Variants in MIDN observed in about 807,000 individuals in gnomAD.
The protein encoded by MIDN is midnolin.
A neutral mutation model predicts 46.1 loss-of-function variants in MIDN; 26 were observed. The ratio of observed to expected loss-of-function variants is 0.56; its 90% CI spans 0.41 to 0.78. The LOEUF (loss-of-function observed/expected upper bound fraction) is 0.78, where lower values mean the gene tolerates loss of function less well. MIDN is among the 30% of genes least tolerant of loss of function. The pLI, the probability that MIDN is intolerant of heterozygous loss-of-function variation, is 0.00. For missense variants in MIDN, 850 were observed against 771.8 expected (o/e 1.10, Z -1.20); for synonymous variants, 432 against 343.3 (o/e 1.26, Z -2.86).
chr19:1,253,813 G>A (rs1273697801), intron 4 of MIDN, 141 bp from the exon 5 acceptor site: 19 of 580,720 alleles, frequency 3.3e-5, no homozygotes, highest in East Asian at 2.8e-4. Flanking sequence ...TGAGGGTGGG[G>A]GAAAGGCAAA....
intron 2 of MIDN, among the ~76,000 whole-genome samples, chr19:1,251,072 G>A (rs994506453): frequency 7.2e-5 from 11 of 152,148 alleles, no homozygotes; most frequent in Admixed American, 2.0e-4. Flanking sequence ...GGGCGGAGGG[G>A]GAGGGTCTCC....
At chr19:1,251,790 C>A in intron 3 of MIDN, 49 bp from the exon 4 acceptor site, 1 of 1,590,056 alleles carries the variant, frequency 6.3e-7, no homozygotes, top group Non-Finnish European at 8.6e-7. Flanking sequence ...CTATTCCAGC[C>A]CAGGATTCCG....
intron 1 of MIDN, 37 bp from the exon 2 acceptor site, chr19:1,249,851 TAC>T (rs1186809761): frequency 6.6e-6 from 1 of 151,456 alleles, no homozygotes; most frequent in African/African-American, 2.4e-5. Flanking sequence ...GGAACGTTGA[TAC>T]ATTATAACTT....
intron 2 of MIDN, 126 bp from the exon 3 acceptor site, chr19:1,251,436 G>C: frequency 2.5e-6 from 2 of 798,978 alleles, no homozygotes; most frequent in African/African-American, 1.8e-5. Context: ...TCTGGAAGCC[G>C]GGAAGGGGTG....
intron 6 of MIDN, 25 bp from the exon 7 acceptor site, chr19:1,254,877 C>T (rs2081178628): frequency 1.3e-6 from 2 of 1,584,624 alleles, no homozygotes; most frequent in Non-Finnish European, 1.7e-6. Context: ...GGACCCCGTG[C>T]TCATGTGCCC....
chr19:1,254,708 C>G (rs1239794035), intron 6 of MIDN, among the ~76,000 whole-genome samples, 194 bp from the exon 7 acceptor site: 1 of 152,108 alleles, frequency 6.6e-6, no homozygotes, highest in African/African-American at 2.4e-5. Context: ...TAGATGATCT[C>G]TTGATCTTTG....
chr19:1,248,645 G>A lies in MIDN; in HGVS notation c.-423G>A, dbSNP rs980730923. 1 of 152,494 alleles carries A rather than the reference G, an allele frequency of 6.6e-6. No homozygotes were observed. Among genetic ancestry groups the A allele is most frequent in the Non-Finnish European group, 1.5e-5 (1 of 68,278 alleles). 9.4% of individuals were successfully genotyped at this position (152,494 alleles called of 1,614,324 possible). A position where few individuals can be genotyped will look rare whatever the true frequency, so the allele number is the denominator to read the frequency against. ...AGGTACTCGCAGCACTTGGAGCGCA[G>A]AACCGGCCGCGCCCGGTGAGTGTGG... On this transcript the variant is annotated 5_prime_UTR_variant, in exon 1 of 9. Transcript: ENST00000682408.
Position 1,250,525 on chromosome 19 carries a change from G to T in MIDN, c.229G>T (p.Asp77Tyr). The T allele has an allele frequency of 7.8e-7, 1 of 1,288,208 alleles. No individual in the cohort carries two copies. The highest frequency in any genetic ancestry group is 3.5e-5 in the East Asian group (1 of 28,406). The allele number at this position is 1,288,208 out of a possible 1,614,324, so 79.8% of individuals were successfully genotyped here. A position where few individuals can be genotyped will look rare whatever the true frequency, so the allele number is the denominator to read the frequency against. Residue 77 changes from aspartate to tyrosine, a missense_variant, in exon 2 of 9, where the codon GAC becomes TAC. By Grantham distance (160) the Asp-to-Tyr change is radical (BLOSUM62 -3). Transcript: ENST00000682408. ...GGAGCGCCTGGCTCTTCTCCACAAAGACACGTAGGTACCGCGCGCCCCCGG... is the reference window on the plus strand; with the variant it reads ...GGAGCGCCTGGCTCTTCTCCACAAATACACGTAGGTACCGCGCGCCCCCGG... ...PKERLALLHK[D>Y]TRLSSGKLQE...
intron 6 of MIDN, 133 bp from the exon 7 acceptor site, chr19:1,254,769 G>A: frequency 1.8e-6 from 2 of 1,103,596 alleles, no homozygotes; most frequent in South Asian, 3.0e-5. Context: ...CGTGACCTTG[G>A]GCTAGTTTAT....
In MIDN at chr19:1,259,021, G is replaced by A. The variant is rs1344362298; in HGVS notation, c.*1749G>A. The A allele has an allele frequency of 6.6e-6, 1 of 151,910 alleles. No individual in the cohort carries two copies. The highest frequency in any genetic ancestry group is 2.4e-5 in the African/African-American group (1 of 41,362). 9.4% of individuals were successfully genotyped at this position (151,910 alleles called of 1,614,324 possible). ...AAGAAAGCATTACCCGCCCTCGGGG[G>A]GTCGGGCTGTGGGGGTCCCGGCACC... On this transcript the variant is annotated 3_prime_UTR_variant, in exon 9 of 9. Transcript: ENST00000682408.
At chr19:1,252,559 T>C (rs1023967667) in intron 4 of MIDN, among the ~76,000 whole-genome samples, 7 of 151,856 alleles carry the variant, frequency 4.6e-5, no homozygotes, top group Non-Finnish European at 8.8e-5. Context: ...TTTTTTTTTT[T>C]CTCCTTCTTT....
chr19:1,254,188 C>G lies in MIDN; in HGVS notation c.535C>G (p.Arg179Gly), dbSNP rs540283060. Residue 179 changes from arginine to glycine, a missense_variant, in exon 6 of 9, where the codon CGT (arginine) becomes GGT (glycine). Transcript: ENST00000682408. ...RPQVSDFLSG[R>G]SPLTLALRVG... ...GCAGGTCAGTGACTTCCTGTCGGGC[C>G]GTTCGCCACTGACACTGGCCTTGCG... is the stretch of plus-strand genomic sequence containing the variant. The G allele has an allele frequency of 6.3e-7, 1 of 1,598,082 alleles. No individual in the cohort carries two copies.
chr19:1,256,291 G>A (rs1201483086), intron 8 of MIDN, among the ~76,000 whole-genome samples: 1 of 152,164 alleles, frequency 6.6e-6, no homozygotes, highest in African/African-American at 2.4e-5. Flanking sequence ...AGACCATCTT[G>A]GCTAACATGG....
At position 1,257,279 on chromosome 19, in the gene MIDN, C is replaced by T. The variant is rs200018037; in HGVS notation, c.*7C>T. ...AGAGTTCGTGGTGGCTTAGGATCTTCGGATCGGCCACCCTCGCCCCTCGCA... is the reference window on the plus strand; with the variant it reads ...AGAGTTCGTGGTGGCTTAGGATCTTTGGATCGGCCACCCTCGCCCCTCGCA... On this transcript the variant is annotated 3_prime_UTR_variant, in exon 9 of 9. Coordinates refer to ENST00000682408, the MANE Select transcript of MIDN (RefSeq NM_001388306.1). 5.7e-4 allele frequency: 917 copies of T among 1,610,634 alleles called. 3 individuals carry two copies. Among genetic ancestry groups the T allele is most frequent in the African/African-American group, 7.6e-4 (57 of 74,968 alleles).
At chr19:1,251,730 A>AGCAGGGCCCTCTC in intron 3 of MIDN, 81 bp downstream of exon 3, 9 of 1,521,352 alleles carry the variant, frequency 5.9e-6, no homozygotes, top group Non-Finnish European at 8.1e-6. Context: ...GTCCGCACAC[A>AGCAGGGCCCTCTC]CACTACCTGG....
chr19:1,250,288 G>A lies in MIDN; in HGVS notation c.-9G>A. 1 of 974,390 alleles carries A rather than the reference G, an allele frequency of 1.0e-6. No homozygotes were observed. The highest frequency in any genetic ancestry group is 1.2e-6 in the Non-Finnish European group (1 of 820,988). 60.4% of individuals were successfully genotyped at this position (974,390 alleles called of 1,614,324 possible). A position where few individuals can be genotyped will look rare whatever the true frequency, so the allele number is the denominator to read the frequency against. ...CCCGCCGCCCCCAGCCCCCCAGCGC[G>A]CGCCGGGGATGGAGCCGCAGCCCGG... On this transcript the variant is annotated 5_prime_UTR_variant, in exon 2 of 9. Transcript: ENST00000682408.
rs890652876 is a variant in MIDN at position 1,253,986 on chromosome 19, C to T, written c.417C>T (p.Gly139=). The T allele has an allele frequency of 3.1e-5, 43 of 1,395,102 alleles. No homozygotes were observed. Among genetic ancestry groups the T allele is most frequent in the East Asian group, 2.6e-4 (9 of 34,318 alleles). 86.4% of individuals were successfully genotyped at this position (1,395,102 alleles called of 1,614,324 possible). ...PPAAPGPGRA[G]GGGFRKYRFI... ...CGGCGCCCGGGCCGGGCCGGGCTGGCGGAGGAGGCTTCCGGAAATACAGAT... is the reference window on the plus strand; with the variant it reads ...CGGCGCCCGGGCCGGGCCGGGCTGGTGGAGGAGGCTTCCGGAAATACAGAT... The change falls in exon 5 of 9, where the codon GGC becomes GGT. Residue 139 remains glycine (G), a synonymous_variant. Transcript: ENST00000682408.
chr19:1,251,367 C>G (rs1343551693), intron 2 of MIDN, 195 bp from the exon 3 acceptor site: 2 of 564,572 alleles, frequency 3.5e-6, no homozygotes, highest in Admixed American at 7.1e-5. Context: ...GTCCGAATCG[C>G]CAGGATGGGG....
At chr19:1,254,502 G>C (rs895875555) in intron 6 of MIDN, 24 bp downstream of exon 6, 1 of 1,539,054 alleles carries the variant, frequency 6.5e-7, no homozygotes, top group African/African-American at 1.4e-5. Context: ...AGGGAAGGGT[G>C]ACCCTTGGTT....
Sources: allele counts gnomAD v4.1 joint callset (sites outside exome capture counted in the v4.1 genomes callset), GRCh38; gene constraint gnomAD v4.1.1; transcripts MANE v1.5; gene names NCBI Gene and HGNC (gene_info 2026-07-23, HGNC 2026-07-21).